The following AGAP3 variants were observed in gnomAD, a reference collection of about 807,000 sequenced individuals.
AGAP3 encodes the protein ArfGAP with GTPase domain, ankyrin repeat and PH domain 3, also known as arf-GAP with GTPase, ANK repeat and PH domain-containing protein 3.
A neutral mutation model predicts 96.9 loss-of-function variants in AGAP3; 24 were observed. The observed-to-expected ratio is 0.25, with a 90% confidence interval of 0.18 to 0.35. The LOEUF is 0.35. AGAP3 is among the 10% of genes least tolerant of loss of function. The pLI, the probability that AGAP3 is intolerant of heterozygous loss-of-function variation, is 1.00. For synonymous variants in AGAP3, 563 were observed against 536.1 expected, an observed-to-expected ratio of 1.05 and a Z score of -0.69; for missense variants, 876 against 1,254.2, an observed-to-expected ratio of 0.70 and a Z score of 4.55.
In AGAP3 at chr7:151,141,308, T is replaced by G. The variant is rs1297506649; in HGVS notation, c.1805-590T>G. 1 of 161,678 alleles carries G rather than the reference T, an allele frequency of 6.2e-6. No individual in the cohort carries two copies. The highest frequency in any genetic ancestry group is 1.4e-5 in the Non-Finnish European group (1 of 74,014). The allele number at this position is 161,678 out of a possible 1,614,324, so 10.0% of individuals were successfully genotyped here. A position where few individuals can be genotyped will look rare whatever the true frequency, so the allele number is the denominator to read the frequency against. On this transcript the variant is annotated intron_variant, in intron 13 of 17. Coordinates refer to ENST00000397238, the MANE Select transcript of AGAP3 (RefSeq NM_031946.7). This position sits in a 1 kb window ranked among gnomAD's most constrained non-coding sequence, Gnocchi z 4.2. ...GTACAGATGCCCTCAGGCCCCTATT[T>G]GCTCACATACTGCAGGTCCTGTAGA... is the stretch of plus-strand genomic sequence containing the variant.
chr7:151,136,029 G>T (rs1266839236), intron 11 of AGAP3, among the ~76,000 whole-genome samples: 1 of 152,186 alleles, frequency 6.6e-6, no homozygotes, highest in Non-Finnish European at 1.5e-5. Flanking sequence ...GCCAGTGGGG[G>T]ACCTTGAGCC....
In AGAP3 at chr7:151,133,039, C is replaced by G. The variant is rs574472657; in HGVS notation, c.1327-1361C>G. Among the ~76,000 whole-genome samples the G allele has an allele frequency of 6.6e-6, 1 of 152,116 alleles. No homozygotes were observed. Among genetic ancestry groups the G allele is most frequent in the African/African-American group, 2.4e-5 (1 of 41,410 alleles). ...CGGGCTCCTCAGGGTAGGAGGAGCG[C>G]GTCTGGGAAGGCTCGTCGCACGGCC... On this transcript the variant is annotated intron_variant, in intron 10 of 17. Transcript: ENST00000397238. This position sits in a 1 kb window ranked among gnomAD's most constrained non-coding sequence, Gnocchi z 5.4.
intron 8 of AGAP3, chr7:151,122,696 C>G: frequency 6.2e-7 from 1 of 1,613,448 alleles, no homozygotes; most frequent in Non-Finnish European, 8.5e-7. Context: ...TATAACTTGC[C>G]AAAATCTTTA....
chr7:151,123,534 C>T (rs1048332783), intron 8 of AGAP3: 2 of 1,301,074 alleles, frequency 1.5e-6, no homozygotes, highest in Non-Finnish European at 9.8e-7. Flanking sequence ...GCTCCTCGCG[C>T]CCTCGGCCTC....
chr7:151,142,758 G>A lies in AGAP3; in HGVS notation c.2273+124G>A. The A allele has an allele frequency of 1.8e-6, 2 of 1,102,126 alleles. No individual in the cohort carries two copies. The highest frequency in any genetic ancestry group is 2.6e-6 in the Non-Finnish European group (2 of 781,318). 68.3% of individuals were successfully genotyped at this position (1,102,126 alleles called of 1,614,324 possible). On this transcript the variant is annotated intron_variant, in intron 16 of 17. Coordinates refer to ENST00000397238, the MANE Select transcript of AGAP3 (RefSeq NM_031946.7). The surrounding 1 kb of genome is among the most constrained non-coding windows in gnomAD (Gnocchi z 7.5). ...TTAAAACTGTCTGTTGCTCTGCTTG[G>A]CAGTTGGCCCCTTGGGGGTGCCCCT...
At position 151,140,096 on chromosome 7, in the gene AGAP3, GC is replaced by G. The variant is rs757570304; in HGVS notation, c.1788del (p.Ser597AlafsTer94). On this transcript the variant is annotated frameshift_variant, in exon 13 of 18. Coordinates refer to ENST00000397238, the MANE Select transcript of AGAP3 (RefSeq NM_031946.7). LOFTEE classifies it high-confidence loss of function. The surrounding 1 kb of genome is among the most constrained non-coding windows in gnomAD (Gnocchi z 5.4). ...AGCACCGGGACCCCCCGACCAGACG[GC>G]CCCAGCAGTGCTACTGAAGGTTAGG... ...KKSTGTPRPD[G>X]PSSATEEAEE... 1 of 1,600,494 alleles carries G rather than the reference GC, an allele frequency of 6.2e-7. No homozygotes were observed. Among genetic ancestry groups the G allele is most frequent in the Non-Finnish European group, 8.5e-7 (1 of 1,173,920 alleles).
chr7:151,105,785 C>T (rs1340897119), intron 1 of AGAP3, among the ~76,000 whole-genome samples: 3 of 55,260 alleles, frequency 5.4e-5, no homozygotes, highest in Non-Finnish European at 1.1e-4. Context: ...CGCCCCCCCC[C>T]CCGACACCAC....
Position 151,118,548 on chromosome 7 carries a change from C to G in AGAP3, c.885C>G (p.Ala295=). ...VVALRKKQQL[A]IGPCKSLPNS... is the part of the protein sequence containing the mutation. ...CCTTGCGAAAGAAGCAGCAACTGGC[C>G]ATCGGGCCCTGCAAGTCACTGCCCA... Residue 295 remains alanine, a synonymous_variant, in exon 7 of 18, where the codon GCC becomes GCG. Transcript: ENST00000397238. The surrounding 1 kb of genome is among the most constrained non-coding windows in gnomAD (Gnocchi z 6.1). 1.2e-6 allele frequency: 2 copies of G among 1,614,190 alleles called. No homozygotes were observed. The highest frequency in any genetic ancestry group is 1.7e-6 in the Non-Finnish European group (2 of 1,180,046).
At position 151,139,121 on chromosome 7, in the gene AGAP3, T is replaced by C. The variant is rs1289008954; in HGVS notation, c.1666+808T>C. On this transcript the variant is annotated intron_variant, in intron 12 of 17. Coordinates refer to ENST00000397238, the MANE Select transcript of AGAP3 (RefSeq NM_031946.7). This position sits in a 1 kb window ranked among gnomAD's most constrained non-coding sequence, Gnocchi z 4.9. ...CTTTCCATGCCCTTGTCCTGAGTGA[T>C]GGTGTAATGACAGGAAGACCCAGGG... is the stretch of plus-strand genomic sequence containing the variant. 2.0e-5 allele frequency among the ~76,000 whole-genome samples: 3 copies of C among 152,214 alleles called. No homozygotes were observed. Among genetic ancestry groups the C allele is most frequent in the Non-Finnish European group, 4.4e-5 (3 of 68,038 alleles).
At position 151,133,348 on chromosome 7, in the gene AGAP3, C is replaced by A. The variant is rs1243696522; in HGVS notation, c.1327-1052C>A. 2.0e-5 allele frequency among the ~76,000 whole-genome samples: 3 copies of A among 152,172 alleles called. No homozygotes were observed. The highest frequency in any genetic ancestry group is 2.0e-4 in the Admixed American group (3 of 15,282). On this transcript the variant is annotated intron_variant, in intron 10 of 17. Coordinates refer to ENST00000397238, the MANE Select transcript of AGAP3 (RefSeq NM_031946.7). The surrounding 1 kb of genome is among the most constrained non-coding windows in gnomAD (Gnocchi z 5.4). The stretch of plus-strand genomic sequence containing the variant: ...TGTCTGATACTAAACACTTGTCAAA[C>A]AGTTTAAAGGGAAGCCTCTGGAGGA...
intron 11 of AGAP3, among the ~76,000 whole-genome samples, chr7:151,135,846 T>C (rs1800571026): frequency 6.6e-6 from 1 of 152,216 alleles, no homozygotes; most frequent in African/African-American, 2.4e-5. Context: ...AACTTGTCTG[T>C]AAATTCCACA....
At chr7:151,110,749 T>C (rs1245524906) in intron 1 of AGAP3, among the ~76,000 whole-genome samples, 1 of 151,994 alleles carries the variant, frequency 6.6e-6, no homozygotes, top group Non-Finnish European at 1.5e-5. Context: ...TGGTGATGGA[T>C]CTGGGCCACA....
intron 8 of AGAP3, chr7:151,123,587 C>G: frequency 7.1e-7 from 1 of 1,402,832 alleles, no homozygotes; most frequent in Non-Finnish European, 9.3e-7. Context: ...GGCTCAGTGA[C>G]CTGTGCTGCT....
Position 151,142,739 on chromosome 7 carries a change from C to G in AGAP3, c.2273+105C>G, listed in dbSNP as rs1800868561. On this transcript the variant is annotated intron_variant, in intron 16 of 17. Transcript: ENST00000397238. The surrounding 1 kb of genome is among the most constrained non-coding windows in gnomAD (Gnocchi z 7.5). ...TGTGATGGTATTAGAAGGGTTAAAA[C>G]TGTCTGTTGCTCTGCTTGGCAGTTG... is the stretch of plus-strand genomic sequence containing the variant. 8 of 1,239,948 alleles carry G rather than the reference C, an allele frequency of 6.5e-6. No individual in the cohort carries two copies. The highest frequency in any genetic ancestry group is 8.9e-6 in the Non-Finnish European group (8 of 894,850). 76.8% of individuals were successfully genotyped at this position (1,239,948 alleles called of 1,614,324 possible).
intron 8 of AGAP3, chr7:151,121,073 C>T (rs963114187): frequency 3.0e-5 from 5 of 164,918 alleles, no homozygotes; most frequent in Admixed American, 6.3e-5. Context: ...GGCCCGAGTG[C>T]GGCCAGCCAG....
At chr7:151,107,596 C>T (rs1191564800) in intron 1 of AGAP3, among the ~76,000 whole-genome samples, 2 of 152,074 alleles carry the variant, frequency 1.3e-5, no homozygotes, top group African/African-American at 4.8e-5. Flanking sequence ...TGCACTCCAG[C>T]CTGGGTGACA....
At chr7:151,122,741 C>A in intron 8 of AGAP3, 1 of 1,613,872 alleles carries the variant, frequency 6.2e-7, no homozygotes, top group Non-Finnish European at 8.5e-7. Context: ...GCCACTGTTT[C>A]CAACTTTTCA....
chr7:151,123,954 G>T, intron 9 of AGAP3, 68 bp downstream of exon 9: 1 of 1,505,482 alleles, frequency 6.6e-7, no homozygotes. Context: ...GCTTCCCAGG[G>T]CCTCTTCTCA....
chr7:151,132,991 G>A (rs1800456845), intron 10 of AGAP3, among the ~76,000 whole-genome samples: 1 of 152,196 alleles, frequency 6.6e-6, no homozygotes, highest in Non-Finnish European at 1.5e-5. Context: ...CAGTCTGATG[G>A]CCAGTGCGGT....
Sources: gnomAD v4.1 joint callset for allele counts (sites outside exome capture counted in the v4.1 genomes callset) on GRCh38, gnomAD v4.1.1 for gene constraint, Gnocchi (gnomAD v3.1) non-coding constraint, MANE v1.5 for transcripts, NCBI Gene and HGNC (gene_info 2026-07-23, HGNC 2026-07-21) for gene names.